CDH18: variants seen among roughly 807,000 people sequenced by gnomAD.
CDH18 encodes the protein cadherin 18, also known as cadherin-18.
CDH18 carries 31 observed loss-of-function variants against 67.9 expected under a neutral mutation model. That is an observed-to-expected ratio of 0.46 (90% CI 0.34 to 0.62). The LOEUF is 0.62. Ranked by LOEUF, CDH18 falls within the 20% of genes least tolerant of loss-of-function variation. The pLI, the probability that CDH18 is intolerant of heterozygous loss-of-function variation, is 0.01. For missense variants in CDH18, 890 were observed against 975.5 expected, an observed-to-expected ratio of 0.91 and a Z score of 1.17; for synonymous variants, 362 against 347.2, an observed-to-expected ratio of 1.04 and a Z score of -0.48.
intron 3 of CDH18, among the ~76,000 whole-genome samples, chr5:19,779,695 T>C (rs1774871588): frequency 6.6e-6 from 1 of 152,106 alleles, no homozygotes; most frequent in Non-Finnish European, 1.5e-5. Context: ...TGGGTAAAAT[T>C]TGGTCATGGT....
intron 1 of CDH18, among the ~76,000 whole-genome samples, chr5:20,485,791 A>C (rs1473939331): frequency 2.0e-5 from 3 of 152,198 alleles, no homozygotes; most frequent in Non-Finnish European, 4.4e-5. Context: ...AAAATGGGAT[A>C]TCTTGTAGGA....
chr5:20,305,188 G>A, intron 1 of CDH18: 1 of 1,415,890 alleles, frequency 7.1e-7, no homozygotes, highest in Non-Finnish European at 1.0e-6. Context: ...GTTTCCATTC[G>A]ACAGTCCTTC....
At chr5:20,528,134 C>G (rs1488742730) in intron 1 of CDH18, among the ~76,000 whole-genome samples, 1 of 151,878 alleles carries the variant, frequency 6.6e-6, no homozygotes, top group Non-Finnish European at 1.5e-5. Flanking sequence ...AAAAGGTAGG[C>G]TTTAAACCAA....
At chr5:20,539,659 A>G (rs1388210796) in intron 1 of CDH18, among the ~76,000 whole-genome samples, 1 of 151,990 alleles carries the variant, frequency 6.6e-6, no homozygotes, top group East Asian at 1.9e-4. Context: ...TCTAAATTAA[A>G]TATTTATTTT....
Position 20,284,957 on chromosome 5 carries a change from T to C in CDH18, c.-579-29452A>G, listed in dbSNP as rs149944935. 8.0e-4 allele frequency among the ~76,000 whole-genome samples: 122 copies of C among 151,970 alleles called. 3 individuals are homozygous for C. The East Asian group carries it at 0.021, about 27-fold the overall frequency. On this transcript the variant is annotated intron_variant, in intron 1 of 14. Transcript: ENST00000507958. ...ATGGGTTACTTGAAAAACTCTTACA[T>C]AGAAATTAAGAATAAGAATTGATAT...
chr5:19,687,760 G>A (rs536368016), intron 5 of CDH18, among the ~76,000 whole-genome samples: 17 of 152,266 alleles, frequency 1.1e-4, no homozygotes, highest in African/African-American at 2.6e-4. Flanking sequence ...TGTGGCTTCC[G>A]CCACAGAAAG....
At chr5:19,873,357 G>A (rs1786540127) in intron 2 of CDH18, among the ~76,000 whole-genome samples, 1 of 152,116 alleles carries the variant, frequency 6.6e-6, no homozygotes, top group Non-Finnish European at 1.5e-5. Flanking sequence ...CTACAGCAAA[G>A]GGAATGAAGG....
chr5:20,148,965 T>C (rs1750882883), intron 2 of CDH18, among the ~76,000 whole-genome samples: 3 of 152,060 alleles, frequency 2.0e-5, no homozygotes, highest in Non-Finnish European at 2.9e-5. Flanking sequence ...TAGAACTTTG[T>C]CTCAGTGCAA....
chr5:20,090,262 C>T (rs775994033), intron 2 of CDH18, among the ~76,000 whole-genome samples: 2 of 152,068 alleles, frequency 1.3e-5, no homozygotes, highest in Non-Finnish European at 2.9e-5. Flanking sequence ...GTGGGCAGGG[C>T]GCACTGGCTC....
intron 2 of CDH18, among the ~76,000 whole-genome samples, chr5:20,015,670 T>C (rs1419110415): frequency 2.6e-5 from 4 of 152,124 alleles, no homozygotes; most frequent in Admixed American, 1.3e-4. Flanking sequence ...GAGAGCTGAA[T>C]TGGTAATGAG....
At chr5:19,842,235 C>T (rs1441779894) in intron 2 of CDH18, among the ~76,000 whole-genome samples, 3 of 152,156 alleles carry the variant, frequency 2.0e-5, no homozygotes, top group Non-Finnish European at 4.4e-5. Flanking sequence ...CCACTAGTCA[C>T]TTAGGCACCA....
At chr5:20,075,387 C>A (rs932905118) in intron 2 of CDH18, among the ~76,000 whole-genome samples, 1 of 152,006 alleles carries the variant, frequency 6.6e-6, no homozygotes, top group Admixed American at 6.6e-5. Flanking sequence ...GCTGTAGCCC[C>A]AGCTACTTGG....
chr5:20,003,717 C>T (rs984286152), intron 2 of CDH18, among the ~76,000 whole-genome samples: 1 of 151,998 alleles, frequency 6.6e-6, no homozygotes, highest in African/African-American at 2.4e-5. Context: ...ACGGTGAAAC[C>T]CCGTCTCTAC....
At chr5:19,689,402 A>T (rs1051675072) in intron 5 of CDH18, among the ~76,000 whole-genome samples, 1 of 152,026 alleles carries the variant, frequency 6.6e-6, no homozygotes, top group Non-Finnish European at 1.5e-5. Context: ...TTAAAAAAAA[A>T]TTGGCAATCA....
chr5:20,116,515 TAA>T (rs530778791), intron 2 of CDH18, among the ~76,000 whole-genome samples: 4 of 143,404 alleles, frequency 2.8e-5, no homozygotes, highest in South Asian at 2.2e-4. Flanking sequence ...GACTCCCTCT[TAA>T]AAAAAAAAAA....
At chr5:19,979,342 A>T (rs2150357173) in intron 2 of CDH18, among the ~76,000 whole-genome samples, 1 of 152,070 alleles carries the variant, frequency 6.6e-6, no homozygotes, top group Admixed American at 6.6e-5. Flanking sequence ...AATCTTGTAT[A>T]TTTGCTAAAA....
At chr5:20,402,069 C>T (rs1056268750) in intron 1 of CDH18, among the ~76,000 whole-genome samples, 32 of 152,146 alleles carry the variant, frequency 2.1e-4, no homozygotes, top group African/African-American at 7.2e-4. Flanking sequence ...ATGTACCAAG[C>T]CTTACTTCAC....
At chr5:19,832,375 T>G (rs1781145959) in intron 3 of CDH18, among the ~76,000 whole-genome samples, 1 of 152,144 alleles carries the variant, frequency 6.6e-6, no homozygotes, top group African/African-American at 2.4e-5. Flanking sequence ...CTAATTCATC[T>G]ATTAAAAAAA....
At chr5:19,992,518 G>C (rs1482618125), upstream of CDH18, among the ~76,000 whole-genome samples, 1 of 150,216 alleles carries the variant, frequency 6.7e-6, no homozygotes. Context: ...AGAAAGACTA[G>C]AGTTAAGCAA....
Sources: gnomAD v4.1 joint callset for allele counts (sites outside exome capture counted in the v4.1 genomes callset) on GRCh38, gnomAD v4.1.1 for gene constraint, MANE v1.5 for transcripts, NCBI Gene and HGNC (gene_info 2026-07-23, HGNC 2026-07-21) for gene names.